Variants in KLHL7 observed in about 807,000 individuals in gnomAD.
KLHL7 encodes the protein kelch like family member 7.
KLHL7 carries 44 observed loss-of-function variants against 67.4 expected under a neutral mutation model. That is an observed-to-expected ratio of 0.65 (90% CI 0.51 to 0.84). The LOEUF is 0.84. Among genes scored for constraint, KLHL7 ranks in the 40% least tolerant of loss-of-function variants. The probability of loss-of-function intolerance (pLI) is 0.00; values close to 1 mark genes in which losing one functional copy is unlikely to be tolerated. For synonymous variants in KLHL7, 252 were observed against 243.3 expected (o/e 1.04, Z -0.33); for missense variants, 362 against 718.1 (o/e 0.50, Z 5.67).
chr7:23,106,694 A>G, intron 1 of KLHL7: 3 of 1,005,584 alleles, frequency 3.0e-6, no homozygotes, highest in Non-Finnish European at 3.6e-6. Context: ...ATACCATGCC[A>G]TCTTCTAAGG....
chr7:23,158,944 G>C (rs1174011484), intron 7 of KLHL7, among the ~76,000 whole-genome samples: 3 of 152,220 alleles, frequency 2.0e-5, no homozygotes, highest in Admixed American at 2.0e-4. Flanking sequence ...CTTACTCGTA[G>C]GGTTTGGGTA....
At chr7:23,136,944 A>G (rs1783999397) in intron 4 of KLHL7, among the ~76,000 whole-genome samples, 1 of 152,162 alleles carries the variant, frequency 6.6e-6, no homozygotes, top group Admixed American at 6.5e-5. Context: ...CTACTCAGAG[A>G]AAAATAATTT....
At chr7:23,125,815 T>C in intron 4 of KLHL7, 1 of 1,549,640 alleles carries the variant, frequency 6.5e-7, no homozygotes, top group Non-Finnish European at 8.7e-7. Flanking sequence ...CTTTTCACTG[T>C]GTGATGATCC....
chr7:23,126,071 T>C (rs1783562795), intron 4 of KLHL7: 2 of 623,726 alleles, frequency 3.2e-6, no homozygotes, highest in Non-Finnish European at 5.8e-6. Context: ...ACTACTCTTA[T>C]ATTTTGGGGC....
chr7:23,113,245 G>A (rs1178371935), intron 1 of KLHL7, among the ~76,000 whole-genome samples: 2 of 152,174 alleles, frequency 1.3e-5, no homozygotes, highest in African/African-American at 4.8e-5. Context: ...ATGGCTGTCA[G>A]TATTTTTGAA....
Position 23,165,868 on chromosome 7 carries a change from G to C in KLHL7, c.1107G>C (p.Pro369=). 2 of 1,614,112 alleles carry C rather than the reference G, an allele frequency of 1.2e-6. No individual in the cohort carries two copies. The highest frequency in any genetic ancestry group is 1.7e-6 in the Non-Finnish European group (2 of 1,180,010). ...KDSWYSKLGP[P]TPRDSLAACA... is the part of the protein sequence containing the mutation. ...GCTGGTATTCGAAACTGGGTCCTCC[G>C]ACACCTCGAGACAGCCTTGCTGCAT... Residue 369 remains proline, a synonymous_variant, in exon 8 of 11, where the codon CCG becomes CCC. Coordinates refer to ENST00000339077, the MANE Select transcript of KLHL7 (RefSeq NM_001031710.3).
chr7:23,143,828 A>T, intron 5 of KLHL7, 23 bp from the exon 6 acceptor site: 5 of 1,612,702 alleles, frequency 3.1e-6, no homozygotes, highest in Non-Finnish European at 2.5e-6. Context: ...TAAGAACTTT[A>T]CTGTGCTGTT....
At chr7:23,165,433 G>C (rs987016944) in intron 7 of KLHL7, among the ~76,000 whole-genome samples, 1 of 152,092 alleles carries the variant, frequency 6.6e-6, no homozygotes, top group Non-Finnish European at 1.5e-5. Context: ...GGTGGTGATG[G>C]TATATCCAAA....
Position 23,174,523 on chromosome 7 carries a change from A to T in KLHL7, c.*225A>T. ...AGAACATATCTAGCAAGAAAACTTG[A>T]AAAAGTATAAGCATTTGTTAAAAAT... On this transcript the variant is annotated 3_prime_UTR_variant, in exon 11 of 11. Coordinates refer to ENST00000339077, the MANE Select transcript of KLHL7 (RefSeq NM_001031710.3). 1.5e-6 allele frequency: 1 copy of T among 664,978 alleles called. No individual in the cohort carries two copies. Among genetic ancestry groups the T allele is most frequent in the South Asian group, 1.5e-5 (1 of 66,442 alleles). The allele number at this position is 664,978 out of a possible 1,614,324, so 41.2% of individuals were successfully genotyped here.
At chr7:23,140,662 T>A (rs1336270347) in intron 4 of KLHL7, 107 bp from the exon 5 acceptor site, 1 of 872,306 alleles carries the variant, frequency 1.1e-6, no homozygotes. Flanking sequence ...GATCCAGATT[T>A]ATGAAATTTA....
intron 7 of KLHL7, among the ~76,000 whole-genome samples, chr7:23,154,722 C>G (rs1266370188): frequency 1.3e-5 from 2 of 152,132 alleles, no homozygotes; most frequent in Non-Finnish European, 2.9e-5. Flanking sequence ...TAAAAATTTT[C>G]CCTGCCAGCT....
chr7:23,175,747 G>T lies in KLHL7; in HGVS notation c.*1449G>T. 1 of 185,852 alleles carries T rather than the reference G, an allele frequency of 5.4e-6. No homozygotes were observed. The highest frequency in any genetic ancestry group is 1.0e-4 in the South Asian group (1 of 9,870). The allele number at this position is 185,852 out of a possible 1,614,324, so 11.5% of individuals were successfully genotyped here. On this transcript the variant is annotated 3_prime_UTR_variant, in exon 11 of 11. Coordinates refer to ENST00000339077, the MANE Select transcript of KLHL7 (RefSeq NM_001031710.3). ...AGGCCAAGGTGGGTAGATCATTTGA[G>T]GTCAGCAGTTCAAGACCACCCTGGC...
chr7:23,119,238 T>C (rs1250878541), intron 1 of KLHL7, among the ~76,000 whole-genome samples: 1 of 152,120 alleles, frequency 6.6e-6, no homozygotes, highest in Non-Finnish European at 1.5e-5. Context: ...AGAATCTCGC[T>C]CTGTTGTCTA....
intron 4 of KLHL7, among the ~76,000 whole-genome samples, chr7:23,137,923 T>C (rs985345912): frequency 1.3e-5 from 2 of 150,542 alleles, no homozygotes; most frequent in African/African-American, 4.9e-5. Context: ...ATGCCTGTAA[T>C]CCCAGCACTT....
At chr7:23,161,989 C>T (rs898205238) in intron 7 of KLHL7, among the ~76,000 whole-genome samples, 3 of 152,166 alleles carry the variant, frequency 2.0e-5, no homozygotes, top group Admixed American at 2.0e-4. Flanking sequence ...TTGTGCAGGA[C>T]CTCAGCAGCC....
intron 7 of KLHL7, among the ~76,000 whole-genome samples, chr7:23,154,961 A>G (rs1247751008): frequency 6.6e-6 from 1 of 152,190 alleles, no homozygotes; most frequent in African/African-American, 2.4e-5. Context: ...CTTTCTTACC[A>G]TAACACTTAA....
intron 9 of KLHL7, chr7:23,171,215 A>G (rs1389166503): frequency 9.4e-6 from 3 of 318,754 alleles, no homozygotes; most frequent in Admixed American, 7.3e-5. Context: ...TAAACTTCAG[A>G]TTGCAGATAG....
chr7:23,106,754 G>A, intron 1 of KLHL7: 3 of 986,518 alleles, frequency 3.0e-6, no homozygotes, highest in Non-Finnish European at 3.6e-6. Context: ...TGTCCTTGGT[G>A]TGTGGTGCAT....
chr7:23,108,731 C>A (rs999814734), intron 1 of KLHL7, among the ~76,000 whole-genome samples: 2 of 152,216 alleles, frequency 1.3e-5, no homozygotes, highest in Non-Finnish European at 2.9e-5. Context: ...TGAAAGTCTG[C>A]AGCACATCGG....
Sources: allele counts gnomAD v4.1 joint callset (sites outside exome capture counted in the v4.1 genomes callset), GRCh38; gene constraint gnomAD v4.1.1; transcripts MANE v1.5; gene names NCBI Gene and HGNC (gene_info 2026-07-23, HGNC 2026-07-21).